The following ATRNL1 variants were observed in gnomAD, a reference collection of about 807,000 sequenced individuals.
ATRNL1 encodes the protein attractin-like protein 1.
Under a neutral mutation model 182.7 loss-of-function variants are expected in ATRNL1, and 95 were observed. The ratio of observed to expected loss-of-function variants is 0.52; its 90% CI spans 0.44 to 0.62. The LOEUF (loss-of-function observed/expected upper bound fraction) is 0.62. Among genes scored for constraint, ATRNL1 ranks in the 20% least tolerant of loss-of-function variants. ATRNL1 has a pLI of 0.00. For synonymous variants in ATRNL1, 576 were observed against 568.3 expected (o/e 1.01, Z -0.19); for missense variants, 1,471 against 1,679.5 (o/e 0.88, Z 2.17).
At chr10:115,691,243 A>G (rs1347141395) in intron 26 of ATRNL1, among the ~76,000 whole-genome samples, 4 of 152,066 alleles carry the variant, frequency 2.6e-5, no homozygotes, top group African/African-American at 9.7e-5. Flanking sequence ...CCCACAAACA[A>G]TGTACAAGGG....
At chr10:115,183,239 A>G (rs1592224214) in intron 8 of ATRNL1, among the ~76,000 whole-genome samples, 1 of 151,450 alleles carries the variant, frequency 6.6e-6, no homozygotes, top group South Asian at 2.1e-4. Context: ...TCAGAAGTAT[A>G]TTTATAACAT....
chr10:115,280,727 G>GA lies in ATRNL1; in HGVS notation c.2101-624dup, dbSNP rs531507478. Among the ~76,000 whole-genome samples, 121 of 152,322 alleles carry GA rather than the reference G, an allele frequency of 7.9e-4. 2 individuals carry two copies. In the South Asian group the frequency reaches 0.024, roughly 31 times the overall value. On this transcript the variant is annotated intron_variant, in intron 13 of 28. Coordinates refer to ENST00000355044, the MANE Select transcript of ATRNL1 (RefSeq NM_207303.4). ...ACCCAGTCTCCGGGGTGTAGACCAT[G>GA]AAAAGTCTGGTTGTCATCAGTTCGT...
At chr10:115,371,781 G>A (rs115830872) in intron 19 of ATRNL1, among the ~76,000 whole-genome samples, 1,961 of 152,212 alleles carry the variant, frequency 0.013, 38 homozygotes, top group African/African-American at 0.044. Flanking sequence ...GATTGGTTTT[G>A]GAATGTGAAG....
Position 115,600,256 on chromosome 10 carries a change from T to C in ATRNL1, c.3795+50720T>C, listed in dbSNP as rs797039327. Among the ~76,000 whole-genome samples, 7 of 152,186 alleles carry C rather than the reference T, an allele frequency of 4.6e-5. No homozygotes were observed. The South Asian group carries it at 1.4e-3, about 31-fold the overall frequency. On this transcript the variant is annotated intron_variant, in intron 26 of 28. Coordinates refer to ENST00000355044, the MANE Select transcript of ATRNL1 (RefSeq NM_207303.4). ...TTGTGAAATTTAAAAAAATTTAACT[T>C]GAGTAAATGCCTAATAGTACAATTT...
intron 27 of ATRNL1, among the ~76,000 whole-genome samples, chr10:115,823,898 G>C (rs1379853040): frequency 2.6e-5 from 4 of 152,136 alleles, no homozygotes; most frequent in Admixed American, 2.6e-4. Flanking sequence ...AGTTGCCATT[G>C]ACTTTCTTCA....
intron 6 of ATRNL1, among the ~76,000 whole-genome samples, chr10:115,162,601 CATGGCGGTTT>C (rs1846844655): frequency 1.3e-5 from 2 of 150,692 alleles, no homozygotes; most frequent in African/African-American, 2.4e-5. Context: ...AAAGTGTTAC[CATGGCGGTTT>C]ATTGATGATA....
At chr10:115,334,697 A>T (rs1855400665) in intron 19 of ATRNL1, among the ~76,000 whole-genome samples, 1 of 152,172 alleles carries the variant, frequency 6.6e-6, no homozygotes, top group Non-Finnish European at 1.5e-5. Flanking sequence ...CTACTATCTC[A>T]CTATTCAAAA....
intron 27 of ATRNL1, among the ~76,000 whole-genome samples, chr10:115,799,674 A>T (rs897163132): frequency 6.6e-6 from 1 of 152,170 alleles, no homozygotes; most frequent in Non-Finnish European, 1.5e-5. Context: ...ATTTGCATCA[A>T]ATAGACTCAG....
intron 19 of ATRNL1, among the ~76,000 whole-genome samples, chr10:115,389,570 ATATATAT>A (rs1843898090): frequency 8.6e-6 from 1 of 115,986 alleles, no homozygotes; most frequent in African/African-American, 3.3e-5. Flanking sequence ...ATATATATAT[ATATATAT>A]ATATATATAT....
chr10:115,120,037 AT>A, intron 1 of ATRNL1, 147 bp from the exon 2 acceptor site: 1 of 553,734 alleles, frequency 1.8e-6, no homozygotes. Context: ...GCACTTTGAA[AT>A]TTTCCTAAGT....
chr10:115,143,459 G>A (rs1290130774), intron 5 of ATRNL1, among the ~76,000 whole-genome samples: 6 of 151,430 alleles, frequency 4.0e-5, no homozygotes, highest in African/African-American at 1.5e-4. Flanking sequence ...CTCTTAACAT[G>A]GTTTATCAAT....
chr10:115,506,903 T>A (rs1850142526), intron 24 of ATRNL1, among the ~76,000 whole-genome samples: 1 of 152,064 alleles, frequency 6.6e-6, no homozygotes, highest in Admixed American at 6.6e-5. Context: ...TCAGTTAATT[T>A]AGAAAGTTTA....
At chr10:115,465,772 T>C (rs1412941268) in intron 22 of ATRNL1, among the ~76,000 whole-genome samples, 1 of 151,574 alleles carries the variant, frequency 6.6e-6, no homozygotes, top group Non-Finnish European at 1.5e-5. Context: ...TCCACAATAT[T>C]ACTATGTACT....
At chr10:115,919,073 G>A (rs1952966572) in intron 28 of ATRNL1, among the ~76,000 whole-genome samples, 2 of 152,304 alleles carry the variant, frequency 1.3e-5, no homozygotes, top group South Asian at 4.1e-4. Context: ...CCCATAGGAA[G>A]AAGAAATACC....
At chr10:115,425,067 A>G (rs1845822675) in intron 20 of ATRNL1, among the ~76,000 whole-genome samples, 1 of 152,100 alleles carries the variant, frequency 6.6e-6, no homozygotes, top group Non-Finnish European at 1.5e-5. Flanking sequence ...ATTAATATAC[A>G]GTAAAATTTA....
At chr10:115,124,403 G>T (rs1352695125) in intron 3 of ATRNL1, among the ~76,000 whole-genome samples, 1 of 152,080 alleles carries the variant, frequency 6.6e-6, no homozygotes, top group Non-Finnish European at 1.5e-5. Context: ...GGTCTGGGAG[G>T]ATCATAAATG....
chr10:115,336,476 T>C (rs918387381), intron 19 of ATRNL1, among the ~76,000 whole-genome samples: 82 of 152,320 alleles, frequency 5.4e-4, no homozygotes, highest in African/African-American at 1.9e-3. Flanking sequence ...ATACATTTTA[T>C]TGGAGAAAGT....
chr10:115,186,965 A>C (rs1847966154), intron 8 of ATRNL1, among the ~76,000 whole-genome samples: 1 of 152,126 alleles, frequency 6.6e-6, no homozygotes, highest in Non-Finnish European at 1.5e-5. Context: ...AAAATAAAAA[A>C]ATTTATAAAG....
intron 10 of ATRNL1, among the ~76,000 whole-genome samples, chr10:115,257,472 A>G (rs1457355363): frequency 6.6e-6 from 1 of 151,564 alleles, no homozygotes; most frequent in Non-Finnish European, 1.5e-5. Context: ...TTTGCTTTCC[A>G]TTTGCTTGGT....
Sources: gnomAD v4.1 joint callset for allele counts (sites outside exome capture counted in the v4.1 genomes callset) on GRCh38, gnomAD v4.1.1 for gene constraint, MANE v1.5 for transcripts, NCBI Gene and HGNC (gene_info 2026-07-23, HGNC 2026-07-21) for gene names.